Variants in KLHDC4 observed in about 807,000 individuals in gnomAD.
The protein encoded by KLHDC4 is kelch domain-containing protein 4.
KLHDC4 carries 90 observed loss-of-function variants against 62.4 expected under a neutral mutation model. That is an observed-to-expected ratio of 1.44 (90% confidence interval 1.22 to 1.72). KLHDC4 has a LOEUF of 1.72. Among genes scored for constraint, KLHDC4 ranks in the 40% most tolerant of loss-of-function variants. KLHDC4 has a pLI of 0.00. For synonymous variants in KLHDC4, 386 were observed against 284.4 expected (o/e 1.36, Z -3.59); for missense variants, 1,025 against 699.7 (o/e 1.47, Z -5.25).
chr16:87,751,204 G>C (rs952475112), intron 4 of KLHDC4, among the ~76,000 whole-genome samples: 1 of 152,234 alleles, frequency 6.6e-6, no homozygotes, highest in Non-Finnish European at 1.5e-5. Flanking sequence ...GGCTGGGCGT[G>C]GTGGCTCACG....
At chr16:87,706,480 AG>A (rs35943739), downstream of KLHDC4, among the ~76,000 whole-genome samples, 136 of 149,260 alleles carry the variant, frequency 9.1e-4, 1 homozygote, top group African/African-American at 3.2e-3. Flanking sequence ...GCAGCCCTCG[AG>A]GGGGGCGGCA....
chr16:87,741,630 G>GCA (rs2042259955), intron 5 of KLHDC4, among the ~76,000 whole-genome samples: 1 of 90,772 alleles, frequency 1.1e-5, no homozygotes, highest in Admixed American at 1.2e-4. Context: ...GGGGACCATT[G>GCA]CTATACATTA....
chr16:87,712,029 G>A lies in KLHDC4; in HGVS notation c.836-586C>T, dbSNP rs994992587. On this transcript the variant is annotated intron_variant, in intron 8 of 11. Coordinates refer to ENST00000270583, the MANE Select transcript of KLHDC4 (RefSeq NM_017566.4). ...CCTTGGGCCTGCACGGGGACCCTCC[G>A]CCCTGCACAGGGACCCTTCGCCCGG... Among the ~76,000 whole-genome samples the A allele has an allele frequency of 2.3e-4, 34 of 149,712 alleles. 1 individual carries two copies. Among genetic ancestry groups the A allele is most frequent in the South Asian group, 2.1e-3 (10 of 4,742 alleles).
intron 7 of KLHDC4, among the ~76,000 whole-genome samples, chr16:87,714,953 G>A (rs954172352): frequency 1.3e-5 from 2 of 152,134 alleles, no homozygotes; most frequent in Non-Finnish European, 2.9e-5. Flanking sequence ...CAAATAACAC[G>A]ACTCAGGCTT....
chr16:87,748,417 G>C (rs1004280668), intron 5 of KLHDC4, among the ~76,000 whole-genome samples: 1 of 152,204 alleles, frequency 6.6e-6, no homozygotes, highest in Non-Finnish European at 1.5e-5. Context: ...CAGGCAGCGA[G>C]AGGCTGGTGG....
At chr16:87,718,844 C>G (rs1354070934) in intron 7 of KLHDC4, among the ~76,000 whole-genome samples, 2 of 151,842 alleles carry the variant, frequency 1.3e-5, no homozygotes, top group Non-Finnish European at 2.9e-5. Flanking sequence ...GCCGCCCCGT[C>G]TGGGATGTGA....
chr16:87,755,255 C>A lies in KLHDC4; in HGVS notation c.308G>T (p.Arg103Ile). The A allele has an allele frequency of 1.2e-6, 2 of 1,611,144 alleles. No homozygotes were observed. The highest frequency in any genetic ancestry group is 1.1e-5 in the South Asian group (1 of 90,992). ...GTCAACTTTGGTCCAGGTGTCCTTT[C>A]TGGTATTGTAGACATAGAGCTCGTT... The part of the protein sequence containing the change: ...LYNELYVYNT[R>I]KDTWTKVDIP... Residue 103 changes from arginine to isoleucine, a missense_variant, in exon 4 of 12, where the codon AGA (arginine) becomes ATA (isoleucine). Arg to Ile is a moderately conservative substitution (Grantham distance 97). Coordinates refer to ENST00000270583, the MANE Select transcript of KLHDC4 (RefSeq NM_017566.4).
chr16:87,764,483 CTA>C (rs910489222), intron 1 of KLHDC4, among the ~76,000 whole-genome samples: 7 of 151,890 alleles, frequency 4.6e-5, no homozygotes, highest in African/African-American at 1.7e-4. Context: ...AACCCGGTCT[CTA>C]TTAAAAATAC....
intron 6 of KLHDC4, among the ~76,000 whole-genome samples, chr16:87,729,949 ATTTT>A (rs771300630): frequency 2.1e-4 from 32 of 152,040 alleles, no homozygotes; most frequent in Non-Finnish European, 4.0e-4. Flanking sequence ...ATCCCATTTT[ATTTT>A]TTTATTTATT....
At chr16:87,710,475 C>G (rs1197222312) in intron 9 of KLHDC4, 2 of 152,236 alleles carry the variant, frequency 1.3e-5, no homozygotes, top group African/African-American at 4.8e-5. Flanking sequence ...CTGAGGTCCT[C>G]CGTAATCCTG....
At chr16:87,748,041 G>A (rs996811023) in intron 5 of KLHDC4, among the ~76,000 whole-genome samples, 4 of 152,194 alleles carry the variant, frequency 2.6e-5, no homozygotes, top group African/African-American at 9.7e-5. Context: ...TCTGTCATTC[G>A]ACTAGACTTC....
At chr16:87,700,660 G>GTT (rs1446354152) in exon 1 of KLHDC4, 27 of 246,166 alleles carry the variant, frequency 1.1e-4, no homozygotes, top group Non-Finnish European at 1.4e-4. Context: ...GAGGGAGGAG[G>GTT]GCAGAGGGCG....
intron 2 of KLHDC4, among the ~76,000 whole-genome samples, chr16:87,756,713 T>A (rs1311189098): frequency 7.3e-6 from 1 of 136,538 alleles, no homozygotes; most frequent in African/African-American, 2.9e-5. Flanking sequence ...AGTGTCTGGT[T>A]GTATTAACAA....
chr16:87,719,624 C>T (rs966598412), intron 7 of KLHDC4, among the ~76,000 whole-genome samples: 1 of 151,096 alleles, frequency 6.6e-6, no homozygotes, highest in African/African-American at 2.4e-5. Context: ...TATGACCCAG[C>T]CAAATCCCCC....
chr16:87,752,124 T>C (rs117571827), intron 4 of KLHDC4, among the ~76,000 whole-genome samples: 25,053 of 94,530 alleles, frequency 0.27, 2,698 homozygotes, highest in Middle Eastern at 0.39. Flanking sequence ...AGAAGCCAAA[T>C]GGCCAGGCAC....
chr16:87,738,456 C>T lies in KLHDC4; in HGVS notation c.507-7812G>A, dbSNP rs553957796. ...TGCATACAAAGATGTATGCACTGTC[C>T]GTGAACTTTCACAGCAACACTGCAA... On this transcript the variant is annotated intron_variant, in intron 5 of 11. Transcript: ENST00000270583. Among the ~76,000 whole-genome samples the T allele has an allele frequency of 7.9e-5, 12 of 152,230 alleles. No individual in the cohort carries two copies. In the East Asian group the frequency reaches 1.2e-3, roughly 15 times the overall value.
intron 5 of KLHDC4, among the ~76,000 whole-genome samples, chr16:87,738,377 A>AAT (rs2041706486): frequency 6.6e-6 from 1 of 151,084 alleles, no homozygotes; most frequent in South Asian, 2.1e-4. Flanking sequence ...ACACACACAC[A>AAT]CATCTATATC....
intron 1 of KLHDC4, 121 bp downstream of exon 1, chr16:87,765,671 A>C (rs1182945802): frequency 3.2e-6 from 3 of 943,132 alleles, no homozygotes; most frequent in Admixed American, 5.9e-5. Context: ...TACGGCCTCC[A>C]GCTCTCCCGC....
chr16:87,741,088 G>T (rs745989387), intron 5 of KLHDC4: 1 of 152,200 alleles, frequency 6.6e-6, no homozygotes, highest in East Asian at 1.9e-4. Flanking sequence ...TCAAGTATAT[G>T]TGTCTGTTGC....
Sources: gnomAD v4.1 joint callset for allele counts (sites outside exome capture counted in the v4.1 genomes callset) on GRCh38, gnomAD v4.1.1 for gene constraint, MANE v1.5 for transcripts, NCBI Gene and HGNC (gene_info 2026-07-23, HGNC 2026-07-21) for gene names.